ZZEF1: variants seen among roughly 807,000 people sequenced by gnomAD.
The protein encoded by ZZEF1 is zinc finger ZZ-type and EF-hand domain-containing protein 1.
A neutral mutation model predicts 342.8 loss-of-function variants in ZZEF1; 157 were observed. The ratio of observed to expected loss-of-function variants is 0.46; its 90% CI spans 0.40 to 0.52. ZZEF1 has a LOEUF of 0.52. ZZEF1 is among the 20% of genes least tolerant of loss of function. The pLI, the probability that ZZEF1 is intolerant of heterozygous loss-of-function variation, is 0.00. For missense variants in ZZEF1, 3,480 were observed against 3,725.6 expected, an observed-to-expected ratio of 0.93 and a Z score of 1.72; for synonymous variants, 1,505 against 1,429.1, an observed-to-expected ratio of 1.05 and a Z score of -1.20.
At chr17:4,105,106 C>T (rs2058189485) in intron 7 of ZZEF1, among the ~76,000 whole-genome samples, 1 of 152,200 alleles carries the variant, frequency 6.6e-6, no homozygotes, top group Non-Finnish European at 1.5e-5. Flanking sequence ...AATGAGCTGG[C>T]TTGACCAGAG....
At chr17:4,096,959 C>A (rs867299645) in intron 9 of ZZEF1, among the ~76,000 whole-genome samples, 1 of 151,976 alleles carries the variant, frequency 6.6e-6, no homozygotes, top group South Asian at 2.1e-4. Flanking sequence ...TCTGAGGTAA[C>A]AATAAGAAAA....
chr17:4,022,820 A>C lies in ZZEF1; in HGVS notation c.7101T>G (p.Gly2367=). The C allele has an allele frequency of 6.2e-7, 1 of 1,613,648 alleles. No individual in the cohort carries two copies. The highest frequency in any genetic ancestry group is 1.1e-5 in the South Asian group (1 of 91,054). Residue 2367 remains glycine, a synonymous_variant, in exon 44 of 55, where the codon GGT becomes GGG. Transcript: ENST00000381638. ...GGAAAGTAGCACGGATCTCCTCAAA[A>C]CCGTGAGCCTGCCAAGCAGAAGAAG... ...KGLYKTLKAH[G]FEEIRATFLQ...
At chr17:4,139,570 A>G (rs965473620) in intron 1 of ZZEF1, among the ~76,000 whole-genome samples, 3 of 152,256 alleles carry the variant, frequency 2.0e-5, no homozygotes, top group Admixed American at 1.3e-4. Context: ...ACAAAAGTAT[A>G]TACTTATTCA....
At chr17:4,135,337 G>A (rs538397474) in intron 1 of ZZEF1, among the ~76,000 whole-genome samples, 15 of 152,218 alleles carry the variant, frequency 9.9e-5, no homozygotes, top group Non-Finnish European at 1.5e-4. Flanking sequence ...TTAGCCTGGC[G>A]TAGTGAGGGG....
At position 4,023,145 on chromosome 17, in the gene ZZEF1, G is replaced by A. The variant is rs189009228; in HGVS notation, c.7093-317C>T. Among the ~76,000 whole-genome samples the A allele has an allele frequency of 1.5e-4, 23 of 152,240 alleles. No individual in the cohort carries two copies. The East Asian group carries it at 4.4e-3, about 29-fold the overall frequency. ...GTTCTTTCTGCTCCTTGACCACCACGCTTGTTCCATTTTGAGGCCTGGAGC... is the reference window on the plus strand; with the variant it reads ...GTTCTTTCTGCTCCTTGACCACCACACTTGTTCCATTTTGAGGCCTGGAGC... On this transcript the variant is annotated intron_variant, in intron 43 of 54. Transcript: ENST00000381638.
In ZZEF1 at chr17:4,114,438, T is replaced by A. The variant is rs774688844; in HGVS notation, c.727A>T (p.Met243Leu). ...SPGDLTRSPEMDKLKSVAKCY... is the reference protein window; with the variant it reads ...SPGDLTRSPELDKLKSVAKCY... ...TTTGCTACTGACTTGAGTTTATCCA[T>A]CTCTGGACTTCTAGTTAGATCTCCA... Residue 243 changes from methionine (M) to leucine (L), a missense_variant, in exon 4 of 55, where the codon ATG (methionine) becomes TTG (leucine). Around this residue, in one of 5 missense-constraint regions of ZZEF1, gnomAD observed 416 missense variants for 374.2 expected, o/e 1.11. Coordinates refer to ENST00000381638, the MANE Select transcript of ZZEF1 (RefSeq NM_015113.4). 6.3e-7 allele frequency: 1 copy of A among 1,596,748 alleles called. No homozygotes were observed. Among genetic ancestry groups the A allele is most frequent in the African/African-American group, 1.3e-5 (1 of 74,208 alleles).
At chr17:4,009,780 G>A in intron 52 of ZZEF1, 23 bp from the exon 53 acceptor site, 1 of 1,610,732 alleles carries the variant, frequency 6.2e-7, no homozygotes, top group Non-Finnish European at 8.5e-7. Context: ...CCCCGGAGGT[G>A]GTCAGTTTAC....
chr17:4,100,654 T>C (rs1174688482), intron 9 of ZZEF1, among the ~76,000 whole-genome samples: 3 of 151,976 alleles, frequency 2.0e-5, no homozygotes, highest in Non-Finnish European at 2.9e-5. Flanking sequence ...GCTAACGTGG[T>C]GAAACCCCGT....
chr17:4,131,049 G>A (rs184345544), intron 1 of ZZEF1, among the ~76,000 whole-genome samples: 118 of 152,260 alleles, frequency 7.7e-4, no homozygotes, highest in Non-Finnish European at 1.4e-3. Flanking sequence ...CATCAACTGT[G>A]AGAGAGCAGA....
intron 22 of ZZEF1, 28 bp downstream of exon 22, chr17:4,075,235 T>TG (rs1473693750): frequency 1.4e-5 from 22 of 1,613,696 alleles, no homozygotes; most frequent in Non-Finnish European, 1.9e-5. Flanking sequence ...TATTAGCGCT[T>TG]GGGGGTGAAA....
At position 4,008,634 on chromosome 17, in the gene ZZEF1, C is replaced by T. The variant is rs1327114399; in HGVS notation, c.8805+249G>A. On this transcript the variant is annotated intron_variant, in intron 54 of 54. Coordinates refer to ENST00000381638, the MANE Select transcript of ZZEF1 (RefSeq NM_015113.4). The surrounding 1 kb of genome is among the most constrained non-coding windows in gnomAD (Gnocchi z 4.2). ...ATCAGCCAAACTAAATTTAAGGCAT[C>T]GGTTGTTTTGGTTTTAAAGACACAA... The T allele has an allele frequency of 1.1e-5, 13 of 1,209,314 alleles. No homozygotes were observed. The highest frequency in any genetic ancestry group is 1.2e-5 in the Non-Finnish European group (12 of 971,824). 74.9% of individuals were successfully genotyped at this position (1,209,314 alleles called of 1,614,324 possible). A position where few individuals can be genotyped will look rare whatever the true frequency, so the allele number is the denominator to read the frequency against.
At chr17:4,094,489 T>A (rs2057999189) in intron 11 of ZZEF1, among the ~76,000 whole-genome samples, 1 of 152,074 alleles carries the variant, frequency 6.6e-6, no homozygotes, top group South Asian at 2.1e-4. Flanking sequence ...GCCTCTCATA[T>A]CTGTACCTTC....
intron 37 of ZZEF1, among the ~76,000 whole-genome samples, chr17:4,047,533 C>T (rs1461387113): frequency 6.6e-6 from 1 of 152,186 alleles, no homozygotes; most frequent in Admixed American, 6.5e-5. Context: ...GTCCCAGTTA[C>T]TTGAGAGGCT....
At chr17:4,052,215 C>T in intron 34 of ZZEF1, 79 bp from the exon 35 acceptor site, 1 of 1,405,044 alleles carries the variant, frequency 7.1e-7, no homozygotes, top group Non-Finnish European at 9.5e-7. Flanking sequence ...AAACCAACCC[C>T]AGCACCAGGG....
rs1190376682 is a variant in ZZEF1, at chr17:4,101,905, C to T, written c.1672+412G>A. 2.6e-5 allele frequency among the ~76,000 whole-genome samples: 4 copies of T among 152,092 alleles called. No individual in the cohort carries two copies. In the South Asian group the frequency reaches 8.3e-4, roughly 32 times the overall value. On this transcript the variant is annotated intron_variant, in intron 9 of 54. Transcript: ENST00000381638. ...TCGGCCTCCCAAAGCGCTGGGATTA[C>T]AGGTGTGAGCCACTGCACCCGGCCT... is the stretch of plus-strand genomic sequence containing the variant.
At position 4,017,403 on chromosome 17, in the gene ZZEF1, T is replaced by C; in HGVS notation, c.7969A>G (p.Met2657Val). ...CACTCATGCTTTTCTTCCAGCTGCATGAACATATCCAAAATGTAGGTCATA... is the reference window on the plus strand; with the variant it reads ...CACTCATGCTTTTCTTCCAGCTGCACGAACATATCCAAAATGTAGGTCATA... ...AHMTYILDMF[M>V]QLEEKHEWEK... Residue 2657 changes from methionine (M) to valine (V), a missense_variant, in exon 48 of 55, where the codon ATG (methionine) becomes GTG (valine). Physicochemically the swap from Met to Val is conservative, Grantham distance 21. This residue lies in a region of ZZEF1 where 1,269 missense variants were observed against 1,342.4 expected (regional missense o/e 0.95). Transcript: ENST00000381638. This position sits in a 1 kb window ranked among gnomAD's most constrained non-coding sequence, Gnocchi z 5.1. The C allele has an allele frequency of 6.2e-7, 1 of 1,605,398 alleles. No individual in the cohort carries two copies. The highest frequency in any genetic ancestry group is 8.5e-7 in the Non-Finnish European group (1 of 1,172,974).
At chr17:4,018,099 C>G in intron 46 of ZZEF1, 128 bp from the exon 47 acceptor site, 2 of 1,247,190 alleles carry the variant, frequency 1.6e-6, no homozygotes, top group South Asian at 2.8e-5. Flanking sequence ...TATCATATTC[C>G]GTGTTTTGCC....
At chr17:4,064,340 G>T in intron 29 of ZZEF1, 21 bp downstream of exon 29, 1 of 1,543,528 alleles carries the variant, frequency 6.5e-7, no homozygotes. Flanking sequence ...GAAAGCGACA[G>T]GAAGGTAACA....
chr17:4,065,413 C>T (rs1180367830), intron 28 of ZZEF1, among the ~76,000 whole-genome samples: 2 of 149,510 alleles, frequency 1.3e-5, no homozygotes, highest in Non-Finnish European at 3.0e-5. Flanking sequence ...AAAAAACAAA[C>T]AAAAAAACCA....
Sources: gnomAD v4.1 joint callset for allele counts (sites outside exome capture counted in the v4.1 genomes callset) on GRCh38, gnomAD v4.1.1 for gene constraint, gnomAD v4.1.1 regional missense constraint, Gnocchi (gnomAD v3.1) non-coding constraint, MANE v1.5 for transcripts, NCBI Gene and HGNC (gene_info 2026-07-23, HGNC 2026-07-21) for gene names.